SLC24A3: variants seen among roughly 807,000 people sequenced by gnomAD.
The protein encoded by SLC24A3 is sodium/potassium/calcium exchanger 3.
Under a neutral mutation model 75.8 loss-of-function variants are expected in SLC24A3, and 28 were observed. The observed-to-expected ratio is 0.37, with a 90% confidence interval of 0.27 to 0.51. The LOEUF is 0.51. Among genes scored for constraint, SLC24A3 ranks in the 20% least tolerant of loss-of-function variants. The probability of loss-of-function intolerance (pLI) is 0.94; values close to 1 mark genes in which losing one functional copy is unlikely to be tolerated. For synonymous variants in SLC24A3, 372 were observed against 334.1 expected, an observed-to-expected ratio of 1.11 and a Z score of -1.24; for missense variants, 663 against 847.8, an observed-to-expected ratio of 0.78 and a Z score of 2.71.
intron 1 of SLC24A3, among the ~76,000 whole-genome samples, chr20:19,226,690 CTA>C (rs1218737836): frequency 1.3e-5 from 2 of 152,242 alleles, no homozygotes; most frequent in East Asian, 3.9e-4. Context: ...CACAATAACT[CTA>C]TAGAGTAGAT....
chr20:19,386,214 C>T (rs2122380940), intron 2 of SLC24A3, among the ~76,000 whole-genome samples: 1 of 152,240 alleles, frequency 6.6e-6, no homozygotes, highest in South Asian at 2.1e-4. Context: ...GTTTCTTTCT[C>T]AGATAGTTTG....
intron 1 of SLC24A3, among the ~76,000 whole-genome samples, chr20:19,273,344 C>G (rs2122213410): frequency 6.6e-6 from 1 of 152,316 alleles, no homozygotes; most frequent in Non-Finnish European, 1.5e-5. Flanking sequence ...GGGCCATTCT[C>G]CCAGGGTGCA....
At chr20:19,294,479 G>A (rs926205025) in intron 2 of SLC24A3, among the ~76,000 whole-genome samples, 45 of 151,420 alleles carry the variant, frequency 3.0e-4, no homozygotes, top group Admixed American at 2.6e-4. Context: ...TCCCTTCCCC[G>A]TTTCCATGTG....
At chr20:19,252,643 C>CGGGGGGGG (rs35974779) in intron 1 of SLC24A3, among the ~76,000 whole-genome samples, 61 of 133,224 alleles carry the variant, frequency 4.6e-4, no homozygotes, top group Admixed American at 6.9e-4. Context: ...ATTGGAATGG[C>CGGGGGGGG]GGGGGGGGGT....
intron 3 of SLC24A3, among the ~76,000 whole-genome samples, chr20:19,548,916 A>C (rs1274577025): frequency 6.6e-6 from 1 of 152,232 alleles, no homozygotes; most frequent in Non-Finnish European, 1.5e-5. Flanking sequence ...TTTCTTCCTC[A>C]CACAAATATT....
chr20:19,673,887 GAGAACTCTCT>G (rs1360645133), intron 9 of SLC24A3, among the ~76,000 whole-genome samples: 1 of 152,206 alleles, frequency 6.6e-6, no homozygotes, highest in East Asian at 1.9e-4. Context: ...TGTTTCACTT[GAGAACTCTCT>G]AGAACCCCTA....
intron 1 of SLC24A3, among the ~76,000 whole-genome samples, chr20:19,255,816 T>G (rs1982797794): frequency 6.6e-6 from 1 of 152,128 alleles, no homozygotes; most frequent in Non-Finnish European, 1.5e-5. Flanking sequence ...TTTTTATCGG[T>G]CAAGTGCAGT....
chr20:19,618,687 AATGGGCAC>A (rs1275566542), intron 6 of SLC24A3, among the ~76,000 whole-genome samples: 3 of 152,278 alleles, frequency 2.0e-5, no homozygotes, highest in African/African-American at 7.2e-5. Context: ...ACATACGAAA[AATGGGCAC>A]AGTGATAGTG....
chr20:19,283,721 T>C (rs1983727012), intron 2 of SLC24A3, among the ~76,000 whole-genome samples: 1 of 152,240 alleles, frequency 6.6e-6, no homozygotes, highest in African/African-American at 2.4e-5. Flanking sequence ...CTCTGTGTGC[T>C]TCTCTAGAAG....
At chr20:19,286,302 G>A (rs750933657) in intron 2 of SLC24A3, among the ~76,000 whole-genome samples, 41 of 152,092 alleles carry the variant, frequency 2.7e-4, no homozygotes, top group Non-Finnish European at 4.4e-4. Flanking sequence ...GTCTATATGA[G>A]AGAAGCAACA....
intron 9 of SLC24A3, among the ~76,000 whole-genome samples, chr20:19,677,675 CTTTTTTTTTTCTTTT>C (rs1399242303): frequency 8.4e-5 from 8 of 95,606 alleles, no homozygotes; most frequent in Admixed American, 5.1e-4. Flanking sequence ...TTTTAGGATT[CTTTTTTTTTTCTTTT>C]TTTTTTTTTT....
At chr20:19,583,898 T>C (rs540288853) in intron 4 of SLC24A3, among the ~76,000 whole-genome samples, 1 of 152,292 alleles carries the variant, frequency 6.6e-6, no homozygotes, top group African/African-American at 2.4e-5. Flanking sequence ...CGACCCAGGA[T>C]CCTAGATCAA....
At chr20:19,709,167 G>A (rs1486321053) in intron 15 of SLC24A3, among the ~76,000 whole-genome samples, 1 of 152,130 alleles carries the variant, frequency 6.6e-6, no homozygotes, top group Non-Finnish European at 1.5e-5. Flanking sequence ...TCCATCCGAG[G>A]GGCAAGGGAG....
chr20:19,346,097 A>ATATATGGTG (rs1985396319), intron 2 of SLC24A3, among the ~76,000 whole-genome samples: 2 of 72,248 alleles, frequency 2.8e-5, no homozygotes, highest in African/African-American at 2.2e-4. Flanking sequence ...ATATATATAT[A>ATATATGGTG]TATATATATA....
rs564582872 is a variant in SLC24A3 at position 19,568,283 on chromosome 20, G to T, written c.349-11717G>T. On this transcript the variant is annotated intron_variant, in intron 3 of 16. Transcript: ENST00000328041. The stretch of plus-strand genomic sequence containing the variant: ...ATGTGAACCATCAATTCCACTTCTG[G>T]GTTTATACCCATAAGAATTGAAATC... 2.0e-5 allele frequency among the ~76,000 whole-genome samples: 3 copies of T among 152,172 alleles called. No individual in the cohort carries two copies. In the South Asian group the frequency reaches 6.2e-4, roughly 32 times the overall value.
chr20:19,225,054 T>C (rs754252175), intron 1 of SLC24A3, among the ~76,000 whole-genome samples: 22 of 152,176 alleles, frequency 1.4e-4, no homozygotes, highest in Admixed American at 5.9e-4. Context: ...CTAGGTTGCT[T>C]TAGAAGAGAG....
intron 1 of SLC24A3, among the ~76,000 whole-genome samples, chr20:19,230,872 A>T (rs1223194188): frequency 6.6e-6 from 1 of 152,186 alleles, no homozygotes; most frequent in Non-Finnish European, 1.5e-5. Flanking sequence ...ATTGGGTCCT[A>T]ATGCTAGGCT....
At position 19,263,033 on chromosome 20, in the gene SLC24A3, TTGTGTGTGTG is replaced by T. The variant is rs11473481; in HGVS notation, c.143-17896_143-17887del. Among the ~76,000 whole-genome samples the T allele has an allele frequency of 2.3e-4, 33 of 143,244 alleles. No individual in the cohort carries two copies. In the East Asian group the frequency reaches 4.7e-3, roughly 21 times the overall value. The allele number at this position is 143,244 out of a possible 152,430, so 94.0% of individuals were successfully genotyped here. A position where few individuals can be genotyped will look rare whatever the true frequency, so the allele number is the denominator to read the frequency against. The stretch of plus-strand genomic sequence containing the variant: ...CTCGCTCCATCACCCACTCCAGCCT[TTGTGTGTGTG>T]TGTGTGTGTGTGTGTGTGTGTGTGT... On this transcript the variant is annotated intron_variant, in intron 1 of 16. Transcript: ENST00000328041.
chr20:19,230,849 C>A (rs1982001272), intron 1 of SLC24A3, among the ~76,000 whole-genome samples: 1 of 152,080 alleles, frequency 6.6e-6, no homozygotes, highest in African/African-American at 2.4e-5. Flanking sequence ...TGGGAATGAC[C>A]CATTGAAGGG....
Sources: allele counts gnomAD v4.1 joint callset (sites outside exome capture counted in the v4.1 genomes callset), GRCh38; gene constraint gnomAD v4.1.1; transcripts MANE v1.5; gene names NCBI Gene and HGNC (gene_info 2026-07-23, HGNC 2026-07-21).